The following PDE6A variants were observed in gnomAD, a reference collection of about 807,000 sequenced individuals.
PDE6A encodes phosphodiesterase 6A.
A neutral mutation model predicts 106.3 loss-of-function variants in PDE6A; 84 were observed. That is an observed-to-expected ratio of 0.79 (90% CI 0.66 to 0.95). The LOEUF (loss-of-function observed/expected upper bound fraction) is 0.95. Among genes scored for constraint, PDE6A ranks in the 40% least tolerant of loss-of-function variants. The pLI is 0.00. For missense variants in PDE6A, 1,052 were observed against 1,084.9 expected (o/e 0.97, Z 0.43); for synonymous variants, 394 against 386.6 (o/e 1.02, Z -0.23).
At chr5:149,865,424 A>AC (rs397760799) in intron 20 of PDE6A, among the ~76,000 whole-genome samples, 1 of 149,844 alleles carries the variant, frequency 6.7e-6, no homozygotes, top group African/African-American at 2.5e-5. Flanking sequence ...AAAAAAAAAA[A>AC]CCAGCAAAAA....
At position 149,860,937 on chromosome 5, in the gene PDE6A, G is replaced by A. The variant is rs1460862432; in HGVS notation, c.2541C>T (p.Ser847=). 3.1e-6 allele frequency: 5 copies of A among 1,614,182 alleles called. No homozygotes were observed. The highest frequency in any genetic ancestry group is 4.2e-6 in the Non-Finnish European group (5 of 1,180,032). ...AAGNQPGGNP[S]PGGATTSKSC... The stretch of plus-strand genomic sequence containing the variant: ...ACTTGGATGTAGTTGCACCCCCTGG[G>A]CTGGGGTTTCCCCCCGGCTGATTTC... Residue 847 remains serine (S), a synonymous_variant, in exon 22 of 22, where the codon AGC becomes AGT. Coordinates refer to ENST00000255266, the MANE Select transcript of PDE6A (RefSeq NM_000440.3).
intron 8 of PDE6A, among the ~76,000 whole-genome samples, chr5:149,901,476 C>T (rs1247571606): frequency 3.3e-5 from 5 of 151,988 alleles, no homozygotes; most frequent in Admixed American, 3.3e-4. Context: ...TGTGGTGAGC[C>T]GAGATCGTGC....
At chr5:149,940,505 CTT>C (rs56930344) in intron 1 of PDE6A, among the ~76,000 whole-genome samples, 51 of 142,020 alleles carry the variant, frequency 3.6e-4, no homozygotes, top group African/African-American at 1.3e-3. Context: ...TGTTTGAATC[CTT>C]TTTTTTTTGG....
chr5:149,923,269 G>T (rs563514143), intron 4 of PDE6A, among the ~76,000 whole-genome samples: 2 of 152,026 alleles, frequency 1.3e-5, no homozygotes, highest in Non-Finnish European at 1.5e-5. Context: ...AGGCTGAGGC[G>T]GATGGATCAC....
chr5:149,874,556 T>C (rs1474731022), intron 17 of PDE6A, among the ~76,000 whole-genome samples: 1 of 152,110 alleles, frequency 6.6e-6, no homozygotes, highest in Non-Finnish European at 1.5e-5. Flanking sequence ...TGTATGGAGC[T>C]TTTTTTGTTT....
At chr5:149,899,555 CTT>C in intron 8 of PDE6A, 31 bp from the exon 9 acceptor site, 1 of 1,612,058 alleles carries the variant, frequency 6.2e-7, no homozygotes, top group Admixed American at 1.7e-5. Flanking sequence ...TAGGTTTCCT[CTT>C]GTTTCAGGCC....
At chr5:149,924,033 A>T (rs1753808288) in intron 4 of PDE6A, among the ~76,000 whole-genome samples, 1 of 152,234 alleles carries the variant, frequency 6.6e-6, no homozygotes. Flanking sequence ...AACAACAGGA[A>T]GAAATTTAAT....
chr5:149,939,908 C>G (rs866944250), intron 1 of PDE6A: 1 of 149,336 alleles, frequency 6.7e-6, no homozygotes, highest in African/African-American at 2.5e-5. Flanking sequence ...GGCTCTGTAA[C>G]GACTCCCTGG....
At chr5:149,907,728 T>A (rs1057046198) in intron 6 of PDE6A, among the ~76,000 whole-genome samples, 1 of 152,154 alleles carries the variant, frequency 6.6e-6, no homozygotes, top group Non-Finnish European at 1.5e-5. Flanking sequence ...AATGAAAAAA[T>A]TCATCTATGG....
intron 4 of PDE6A, among the ~76,000 whole-genome samples, chr5:149,928,231 A>ATTTTTTTTTTTTTTTT (rs1165259453): frequency 4.6e-4 from 9 of 19,744 alleles, no homozygotes; most frequent in African/African-American, 1.9e-3. Context: ...ATATATATAT[A>ATTTTTTTTTTTTTTTT]TTTTTTTTTT....
chr5:149,888,622 G>T (rs1032652977), intron 13 of PDE6A, among the ~76,000 whole-genome samples: 1 of 151,470 alleles, frequency 6.6e-6, no homozygotes, highest in African/African-American at 2.4e-5. Flanking sequence ...GTTTTATTTT[G>T]TTAAGGGTGA....
intron 13 of PDE6A, among the ~76,000 whole-genome samples, chr5:149,890,926 C>T (rs1329115042): frequency 2.0e-5 from 3 of 152,134 alleles, no homozygotes; most frequent in African/African-American, 7.2e-5. Flanking sequence ...AACATTGATC[C>T]AAGTCAAGTT....
In PDE6A at chr5:149,868,141, G is replaced by A. The variant is rs1251593806; in HGVS notation, c.2153C>T (p.Ala718Val). Residue 718 changes from alanine (A) to valine (V), a missense_variant, in exon 18 of 22, where the codon GCC becomes GTC. By Grantham distance (64) the Ala-to-Val change is moderately conservative. Around this residue, in one of 3 missense-constraint regions of PDE6A, gnomAD observed 913 missense variants for 915.2 expected, o/e 1.00. Coordinates refer to ENST00000255266, the MANE Select transcript of PDE6A (RefSeq NM_000440.3). ...KEIVMAMMMT[A>V]CDLSAITKPW... ...TTTGGTGATGGCTGAGAGATCACAG[G>A]CGGTCATCATCATGGCCCTGGGCAC... 6.2e-7 allele frequency: 1 copy of A among 1,614,142 alleles called. No homozygotes were observed. The highest frequency in any genetic ancestry group is 1.1e-5 in the South Asian group (1 of 91,086).
At chr5:149,902,228 T>C (rs1753003711) in intron 8 of PDE6A, among the ~76,000 whole-genome samples, 1 of 152,272 alleles carries the variant, frequency 6.6e-6, no homozygotes, top group East Asian at 1.9e-4. Flanking sequence ...TTCCTTCCAA[T>C]AAGCCATCTT....
At chr5:149,881,808 C>A (rs1181841763) in intron 17 of PDE6A, among the ~76,000 whole-genome samples, 1 of 152,132 alleles carries the variant, frequency 6.6e-6, no homozygotes, top group African/African-American at 2.4e-5. Flanking sequence ...AATCTCAACA[C>A]TTTGGGAGGC....
chr5:149,928,193 C>A (rs1194224457), intron 4 of PDE6A, among the ~76,000 whole-genome samples: 3 of 118,732 alleles, frequency 2.5e-5, no homozygotes, highest in African/African-American at 1.0e-4. Context: ...TGTACTACAG[C>A]TCATAATTGT....
At chr5:149,871,937 G>C (rs1760574376) in intron 17 of PDE6A, among the ~76,000 whole-genome samples, 2 of 152,224 alleles carry the variant, frequency 1.3e-5, no homozygotes, top group African/African-American at 4.8e-5. Flanking sequence ...GGACAGATTA[G>C]ACTTGCAAAG....
intron 17 of PDE6A, among the ~76,000 whole-genome samples, chr5:149,870,968 A>G (rs1171739724): frequency 6.7e-6 from 1 of 149,878 alleles, no homozygotes; most frequent in Non-Finnish European, 1.5e-5. Flanking sequence ...GAAAAGAAAA[A>G]AAGAACCCAA....
intron 4 of PDE6A, among the ~76,000 whole-genome samples, chr5:149,925,587 G>A (rs1753843313): frequency 6.6e-6 from 1 of 151,194 alleles, no homozygotes; most frequent in African/African-American, 2.4e-5. Context: ...TGCACTCATA[G>A]TCCCAGCTTC....
Sources: allele counts gnomAD v4.1 joint callset (sites outside exome capture counted in the v4.1 genomes callset), GRCh38; gene constraint gnomAD v4.1.1; regional missense constraint gnomAD v4.1.1; transcripts MANE v1.5; gene names NCBI Gene and HGNC (gene_info 2026-07-23, HGNC 2026-07-21).